Variants in SLC11A2 observed in about 807,000 individuals in gnomAD.
SLC11A2 encodes natural resistance-associated macrophage protein 2.
In SLC11A2, 38 loss-of-function variants were observed where a neutral mutation model predicts 68.0. The ratio of observed to expected loss-of-function variants is 0.56; its 90% CI spans 0.43 to 0.73. SLC11A2 has a LOEUF of 0.73. SLC11A2 is among the 30% of genes least tolerant of loss of function. The probability of loss-of-function intolerance (pLI) is 0.00; values close to 1 mark genes in which losing one functional copy is unlikely to be tolerated. For missense variants in SLC11A2, 517 were observed against 690.5 expected, an observed-to-expected ratio of 0.75 and a Z score of 2.82; for synonymous variants, 242 against 250.6, an observed-to-expected ratio of 0.97 and a Z score of 0.32.
the SLC11A2 span, among the ~76,000 whole-genome samples, chr12:50,963,389 A>AG: frequency 1.6e-4 from 21 of 134,464 alleles, no homozygotes; most frequent in African/African-American, 5.5e-4. Context: ...AAAAAAAAAA[A>AG]AAAAGAAAAG....
chr12:51,026,379 C>T lies in SLC11A2; in HGVS notation c.-108G>A, dbSNP rs780922215. On this transcript the variant is annotated 5_prime_UTR_variant, in exon 1 of 16. Transcript: ENST00000262052. ...GGCTCCATATTCCGGGAGCCAGCGC[C>T]ACGCTGGCTAACGCCCTCCCCTCCC... The T allele has an allele frequency of 9.4e-6, 12 of 1,277,768 alleles. No homozygotes were observed. The highest frequency in any genetic ancestry group is 2.3e-5 in the Admixed American group (1 of 43,310). 79.2% of individuals were successfully genotyped at this position (1,277,768 alleles called of 1,614,324 possible).
chr12:50,962,758 T>C, the SLC11A2 span, among the ~76,000 whole-genome samples: 1 of 152,090 alleles, frequency 6.6e-6, no homozygotes, highest in African/African-American at 2.4e-5. Context: ...GGTATTTAAC[T>C]AGGGCTGGGA....
At chr12:51,025,720 G>C in intron 1 of SLC11A2, 1 of 982,400 alleles carries the variant, frequency 1.0e-6, no homozygotes. Context: ...TTGGAGCCTG[G>C]AATCCAGAGG....
At chr12:51,007,522 ACAGGGTTTCACCATGTTAAC>A (rs1942827408) in intron 3 of SLC11A2, among the ~76,000 whole-genome samples, 1 of 151,822 alleles carries the variant, frequency 6.6e-6, no homozygotes, top group Admixed American at 6.6e-5. Context: ...TTTAGTAAAG[ACAGGGTTTCACCATGTTAAC>A]CAAGCTGGTC....
chr12:50,977,577 T>C (rs576061172), downstream of SLC11A2, among the ~76,000 whole-genome samples: 2 of 152,258 alleles, frequency 1.3e-5, no homozygotes, highest in African/African-American at 2.4e-5. Flanking sequence ...ATTCAGGACA[T>C]AGGCATGGGC....
intron 3 of SLC11A2, chr12:51,008,249 G>T (rs55900133): frequency 6.7e-5 from 20 of 300,132 alleles, no homozygotes; most frequent in Admixed American, 3.6e-4. Flanking sequence ...TAGATAGATA[G>T]ATAGATAGAT....
intron 5 of SLC11A2, chr12:51,000,640 ACGAAGGT>A: frequency 1.7e-6 from 1 of 600,742 alleles, no homozygotes; most frequent in South Asian, 2.0e-5. Flanking sequence ...GAACCTGTGA[ACGAAGGT>A]CAAGGCAGTA....
At chr12:50,984,964 C>A (rs115106222), downstream of SLC11A2, among the ~76,000 whole-genome samples, 638 of 152,234 alleles carry the variant, frequency 4.2e-3, 5 homozygotes, top group African/African-American at 0.014. Context: ...TTAAGCTATG[C>A]GAGTTCAAAT....
chr12:51,001,414 G>A (rs1942213647), intron 5 of SLC11A2, among the ~76,000 whole-genome samples: 1 of 151,972 alleles, frequency 6.6e-6, no homozygotes, highest in Non-Finnish European at 1.5e-5. Flanking sequence ...AGAGAGAGAA[G>A]CAGAAAAGTT....
chr12:51,026,482 A>C (rs1025165532), upstream of SLC11A2: 1 of 649,040 alleles, frequency 1.5e-6, no homozygotes, highest in African/African-American at 1.9e-5. Context: ...CGTGGCCCGC[A>C]GACCAGGGAC....
chr12:50,959,774 A>G, the SLC11A2 span, among the ~76,000 whole-genome samples: 2 of 152,026 alleles, frequency 1.3e-5, no homozygotes, highest in Non-Finnish European at 2.9e-5. Flanking sequence ...CAGCCTCCCA[A>G]GTAGCTGGGA....
the SLC11A2 span, among the ~76,000 whole-genome samples, chr12:50,957,832 C>A: frequency 6.6e-6 from 1 of 151,820 alleles, no homozygotes; most frequent in Admixed American, 6.6e-5. Context: ...TTGCAGTGAG[C>A]CGAGATCATG....
the SLC11A2 span, among the ~76,000 whole-genome samples, chr12:50,958,334 T>C: frequency 4.0e-5 from 6 of 148,334 alleles, no homozygotes; most frequent in Non-Finnish European, 7.4e-5. Flanking sequence ...CAGGCTGGAG[T>C]GCAGTGGCAC....
At chr12:50,992,659 G>A in intron 12 of SLC11A2, 151 bp downstream of exon 12, 1 of 778,612 alleles carries the variant, frequency 1.3e-6, no homozygotes, top group Non-Finnish European at 2.1e-6. Context: ...TTGAACCCGG[G>A]AGGTGGAGGT....
intron 14 of SLC11A2, 94 bp from the exon 15 acceptor site, chr12:50,991,042 T>G: frequency 8.8e-7 from 1 of 1,138,386 alleles, no homozygotes; most frequent in Non-Finnish European, 1.3e-6. Flanking sequence ...CAGTTCAAAA[T>G]GAATGGAAAA....
intron 5 of SLC11A2, among the ~76,000 whole-genome samples, chr12:51,002,484 C>CA (rs1184703145): frequency 6.6e-6 from 1 of 151,408 alleles, no homozygotes; most frequent in Admixed American, 6.6e-5. Context: ...ACTAAAAATA[C>CA]AAAAATTAGC....
At chr12:50,968,092 TAAG>T in the SLC11A2 span, among the ~76,000 whole-genome samples, 4,258 of 146,358 alleles carry the variant, frequency 0.029, 204 homozygotes, top group African/African-American at 0.1. Flanking sequence ...TCTCAAATAA[TAAG>T]AAGAAGAAGG....
At chr12:50,993,992 CAAAAAAA>C (rs71663850) in intron 11 of SLC11A2, among the ~76,000 whole-genome samples, 4 of 48,398 alleles carry the variant, frequency 8.3e-5, no homozygotes, top group African/African-American at 2.3e-4. Context: ...ACCTTGTCTC[CAAAAAAA>C]AAAAAAAAAA....
At chr12:51,021,804 G>C (rs987308233) in intron 1 of SLC11A2, among the ~76,000 whole-genome samples, 1 of 152,082 alleles carries the variant, frequency 6.6e-6, no homozygotes, top group South Asian at 2.1e-4. Context: ...GAAGAGGAGG[G>C]GGGAGGAAGA....
Sources: allele counts gnomAD v4.1 joint callset (sites outside exome capture counted in the v4.1 genomes callset), GRCh38; gene constraint gnomAD v4.1.1; transcripts MANE v1.5; gene names NCBI Gene and HGNC (gene_info 2026-07-23, HGNC 2026-07-21).